The following MGA variants were observed in gnomAD, a reference collection of about 807,000 sequenced individuals.
MGA encodes the protein MAX dimerization protein MGA.
In MGA, 40 loss-of-function variants were observed where a neutral mutation model predicts 261.1. The observed-to-expected ratio is 0.15, with a 90% CI of 0.12 to 0.20. The LOEUF (loss-of-function observed/expected upper bound fraction) is 0.20, where lower values mean the gene tolerates loss of function less well. Among genes scored for constraint, MGA ranks in the 10% least tolerant of loss-of-function variants. MGA has a pLI of 1.00. For missense variants in MGA, 3,397 were observed against 3,630.5 expected (o/e 0.94, Z 1.65); for synonymous variants, 1,302 against 1,290.6 (o/e 1.01, Z -0.19).
intron 5 of MGA, among the ~76,000 whole-genome samples, chr15:41,699,996 A>G (rs892627954): frequency 3.4e-5 from 5 of 147,824 alleles, no homozygotes; most frequent in East Asian, 2.0e-4. Flanking sequence ...ACATAGTTAT[A>G]CATGTGCTAT....
chr15:41,684,490 C>A (rs2058842162), intron 2 of MGA: 1 of 410,014 alleles, frequency 2.4e-6, no homozygotes, highest in Admixed American at 3.1e-5. Flanking sequence ...AGATTTCATT[C>A]ATCATGTATA....
In MGA at chr15:41,727,163, C is replaced by G. The variant is rs763727604; in HGVS notation, c.3431-17C>G. 5.6e-6 allele frequency: 9 copies of G among 1,597,364 alleles called. No homozygotes were observed. The highest frequency in any genetic ancestry group is 7.7e-6 in the Non-Finnish European group (9 of 1,171,028). ...TTGCCAAAAGTACCTAAAACCTTAC[C>G]CTTCTTTTTTGTTAAGCTATATGTG... On this transcript the variant is annotated splice_polypyrimidine_tract_variant and intron_variant, in intron 9 of 23. Transcript: ENST00000219905.
rs771491619 is a variant in MGA at position 41,749,129 on chromosome 15, G to A, written c.5522G>A (p.Arg1841Gln). The change falls in exon 17 of 24, where the codon CGG (arginine) becomes CAG (glutamine). Residue 1841 changes from arginine (R) to glutamine (Q), a missense_variant. By Grantham distance (43) the Arg-to-Gln change is conservative (BLOSUM62 1). Around this residue, in one of 9 missense-constraint regions of MGA, gnomAD observed 1,410 missense variants for 1,386.4 expected, o/e 1.02. Transcript: ENST00000219905. ...AAACCAGGGTCTGTGATGGGAATCC[G>A]GTTACCTGCTCCTTCCAAACCCTCT... 102 of 1,611,964 alleles carry A rather than the reference G, an allele frequency of 6.3e-5. No homozygotes were observed. Among genetic ancestry groups the A allele is most frequent in the Admixed American group, 5.3e-4 (32 of 59,864 alleles).
chr15:41,706,152 G>A (rs1281706452), intron 5 of MGA, among the ~76,000 whole-genome samples: 6 of 151,230 alleles, frequency 4.0e-5, no homozygotes, highest in Admixed American at 2.6e-4. Context: ...CAGGAGAATC[G>A]TTTGAACCAG....
At chr15:41,703,376 C>CT (rs1555419115) in intron 5 of MGA, among the ~76,000 whole-genome samples, 1 of 140,010 alleles carries the variant, frequency 7.1e-6, no homozygotes, top group African/African-American at 2.6e-5. Flanking sequence ...TTACCCCCCC[C>CT]CCCACTCCCC....
chr15:41,728,078 C>T (rs193024737), intron 10 of MGA, among the ~76,000 whole-genome samples: 1 of 152,228 alleles, frequency 6.6e-6, no homozygotes, highest in African/African-American at 2.4e-5. Flanking sequence ...GCTTGTAATC[C>T]CAGCACTTTG....
At chr15:41,707,961 A>T in intron 6 of MGA, 102 bp downstream of exon 6, 1 of 1,411,460 alleles carries the variant, frequency 7.1e-7, no homozygotes, top group Non-Finnish European at 9.6e-7. Context: ...ATTTAACATT[A>T]GTCTAAGATA....
At chr15:41,733,320 A>G (rs2061607552) in intron 11 of MGA, among the ~76,000 whole-genome samples, 1 of 152,230 alleles carries the variant, frequency 6.6e-6, no homozygotes, top group African/African-American at 2.4e-5. Flanking sequence ...GAAAGAGGGC[A>G]GTCTCTCCTG....
intron 1 of MGA, among the ~76,000 whole-genome samples, chr15:41,640,720 T>C (rs918397009): frequency 1.3e-5 from 2 of 152,216 alleles, no homozygotes; most frequent in African/African-American, 4.8e-5. Context: ...GGTTTTGCCA[T>C]GTAAGTTAGG....
intron 22 of MGA, 93 bp from the exon 23 acceptor site, chr15:41,764,793 C>T (rs774895952): frequency 1.7e-5 from 22 of 1,302,556 alleles, no homozygotes; most frequent in Admixed American, 1.4e-4. Flanking sequence ...ATCTGCCTGC[C>T]TCAGCCTCCC....
In MGA at chr15:41,749,431, G is replaced by C. The variant is rs768918518; in HGVS notation, c.5824G>C (p.Gly1942Arg). The C allele has an allele frequency of 2.5e-6, 4 of 1,613,984 alleles. No individual in the cohort carries two copies. The highest frequency in any genetic ancestry group is 3.4e-6 in the Non-Finnish European group (4 of 1,179,890). Residue 1942 changes from glycine to arginine, a missense_variant, in exon 17 of 24, where the codon GGT becomes CGT. Gly to Arg is a moderately radical substitution (Grantham distance 125). This residue lies in a region of MGA where 1,410 missense variants were observed against 1,386.4 expected (regional missense o/e 1.02). Coordinates refer to ENST00000219905, the MANE Select transcript of MGA (RefSeq NM_001164273.2). ...AGCCAGTCTTATTCCTCTCCAGTCT[G>C]GTAGTTTTGCCTTGTTACAGCTCCC...
upstream of MGA, among the ~76,000 whole-genome samples, chr15:41,657,489 G>C (rs2057230877): frequency 6.6e-6 from 1 of 151,754 alleles, no homozygotes; most frequent in African/African-American, 2.4e-5. Context: ...GTGTGGCTGG[G>C]ATTATGGGCG....
chr15:41,733,871 C>G (rs2061639282), intron 11 of MGA, among the ~76,000 whole-genome samples: 2 of 150,606 alleles, frequency 1.3e-5, no homozygotes, highest in Admixed American at 6.6e-5. Flanking sequence ...ATTAATTTGT[C>G]TGTAATTATT....
At chr15:41,626,494 C>T (rs1203958657) in intron 1 of MGA, among the ~76,000 whole-genome samples, 1 of 152,196 alleles carries the variant, frequency 6.6e-6, no homozygotes, top group Middle Eastern at 3.4e-3. Context: ...GCTATCTCAC[C>T]TCACTGCAAT....
chr15:41,731,863 T>A (rs1462490110), intron 11 of MGA, among the ~76,000 whole-genome samples: 1 of 152,170 alleles, frequency 6.6e-6, no homozygotes, highest in Non-Finnish European at 1.5e-5. Context: ...CGAATAAGGG[T>A]TTCTTGTCTT....
chr15:41,766,487 C>T lies in MGA; in HGVS notation c.8405C>T (p.Ala2802Val). 1 of 1,613,984 alleles carries T rather than the reference C, an allele frequency of 6.2e-7. No homozygotes were observed. Among genetic ancestry groups the T allele is most frequent in the Non-Finnish European group, 8.5e-7 (1 of 1,179,892 alleles). Residue 2802 changes from alanine (A) to valine (V), a missense_variant, in exon 24 of 24, where the codon GCA (alanine) becomes GTA (valine). This residue lies in a region of MGA where 647 missense variants were observed against 642.4 expected (regional missense o/e 1.01). Transcript: ENST00000219905. ...AAAGTAACATCAGCTATAGAGGAAG[C>T]AGCTCTTGATTCCAGTGAACTGCTG...
chr15:41,706,904 T>G (rs1348463657), intron 5 of MGA, among the ~76,000 whole-genome samples: 1 of 152,208 alleles, frequency 6.6e-6, no homozygotes, highest in African/African-American at 2.4e-5. Context: ...GAACTTCTTT[T>G]GGCTTCAGTT....
At chr15:41,681,386 TGTA>T (rs2058665941) in intron 2 of MGA, among the ~76,000 whole-genome samples, 1 of 150,150 alleles carries the variant, frequency 6.7e-6, no homozygotes, top group Non-Finnish European at 1.5e-5. Context: ...TTTAAATCCT[TGTA>T]GTATACTCTG....
At chr15:41,633,075 C>T (rs1175815274) in intron 1 of MGA, among the ~76,000 whole-genome samples, 7 of 151,812 alleles carry the variant, frequency 4.6e-5, no homozygotes, top group Non-Finnish European at 1.0e-4. Flanking sequence ...CCTCAGCCTC[C>T]CGAGTAGCTG....
Sources: gnomAD v4.1 joint callset for allele counts (sites outside exome capture counted in the v4.1 genomes callset) on GRCh38, gnomAD v4.1.1 for gene constraint, gnomAD v4.1.1 regional missense constraint, MANE v1.5 for transcripts, NCBI Gene and HGNC (gene_info 2026-07-23, HGNC 2026-07-21) for gene names.